The following PHLDB3 variants were observed in gnomAD, a reference collection of about 807,000 sequenced individuals.
PHLDB3 encodes the protein pleckstrin homology-like domain family B member 3.
PHLDB3 carries 86 observed loss-of-function variants against 85.7 expected under a neutral mutation model. That is an observed-to-expected ratio of 1.00 (90% CI 0.84 to 1.20). The LOEUF is 1.20. PHLDB3 is among the 50% of genes most tolerant of loss of function. PHLDB3 has a pLI of 0.00. For synonymous variants in PHLDB3, 376 were observed against 349.8 expected (o/e 1.07, Z -0.83); for missense variants, 995 against 873.0 (o/e 1.14, Z -1.76).
chr19:43,493,363 C>T (rs532664605), intron 9 of PHLDB3, among the ~76,000 whole-genome samples: 2 of 151,598 alleles, frequency 1.3e-5, no homozygotes, highest in Non-Finnish European at 2.9e-5. Context: ...GACCCATGCG[C>T]GGTGGCTCAT....
chr19:43,496,735 T>C (rs552396073), intron 6 of PHLDB3: 293 of 242,080 alleles, frequency 1.2e-3, no homozygotes, highest in Non-Finnish European at 1.9e-3. Context: ...AACGTGTCAC[T>C]GCACTCCAGC....
At position 43,495,492 on chromosome 19, in the gene PHLDB3, C is replaced by T. The variant is rs112348817; in HGVS notation, c.951+3G>A. The T allele has an allele frequency of 3.2e-5, 52 of 1,605,608 alleles. 1 individual carries two copies. In the African/African-American group the frequency reaches 3.5e-4, roughly 11 times the overall value. On this transcript the variant is annotated splice_donor_region_variant and intron_variant, in intron 7 of 15. Coordinates refer to ENST00000292140, the MANE Select transcript of PHLDB3 (RefSeq NM_198850.4). ...AGGGTAGGGCAGGTGACAGGTAGCT[C>T]ACCTGTGACAGGGCCTGAAGGGCCT...
rs1053628203 is a variant in PHLDB3, at chr19:43,503,801, G to A, written c.213+105C>T. 6.1e-6 allele frequency: 8 copies of A among 1,321,642 alleles called. No homozygotes were observed. In the African/African-American group the frequency reaches 8.7e-5, roughly 14 times the overall value. 81.9% of individuals were successfully genotyped at this position (1,321,642 alleles called of 1,614,324 possible). ...TCACTCGGTCTCTCTCCCTGTCTCC[G>A]GGTCTCTGTCTTTCTGGTTTCCCTC... On this transcript the variant is annotated intron_variant, in intron 2 of 15. Transcript: ENST00000292140.
intron 6 of PHLDB3, chr19:43,496,751 T>C: frequency 3.8e-6 from 1 of 264,306 alleles, no homozygotes; most frequent in South Asian, 1.7e-4. Flanking sequence ...CCAGCCTGGG[T>C]GACAGAGTGA....
intron 6 of PHLDB3, chr19:43,496,279 T>C (rs1012737953): frequency 6.6e-6 from 1 of 152,190 alleles, no homozygotes; most frequent in African/African-American, 2.4e-5. Flanking sequence ...CCTCCCAAAG[T>C]GCTGGGATTA....
At chr19:43,502,963 G>A (rs1971651107) in intron 2 of PHLDB3, among the ~76,000 whole-genome samples, 1 of 149,874 alleles carries the variant, frequency 6.7e-6, no homozygotes, top group South Asian at 2.1e-4. Flanking sequence ...CTCTCCACCT[G>A]ACCCCAGTCT....
intron 9 of PHLDB3, among the ~76,000 whole-genome samples, chr19:43,487,591 A>AAAAAAAAAAAAAACAAAAAAAAAAAC (rs1167897767): frequency 8.6e-6 from 1 of 115,770 alleles, no homozygotes; most frequent in Non-Finnish European, 1.9e-5. Flanking sequence ...AAAAAAAAAA[A>AAAAAAAAAAAAAACAAAAAAAAAAAC]ACACAGAAAA....
In PHLDB3 at chr19:43,479,549, A is replaced by T; in HGVS notation, c.1530T>A (p.Asp510Glu). The T allele has an allele frequency of 6.8e-7, 1 of 1,480,882 alleles. No homozygotes were observed. Among genetic ancestry groups the T allele is most frequent in the Non-Finnish European group, 9.0e-7 (1 of 1,105,620 alleles). 91.7% of individuals were successfully genotyped at this position (1,480,882 alleles called of 1,614,324 possible). A position where few individuals can be genotyped will look rare whatever the true frequency, so the allele number is the denominator to read the frequency against. ...CCCATCCCTCCAGATGCTGCCGGAG[A>T]TCCAAGATTCGCGGGCCTGGAGGGT... ...PPHPPGPRIL[D>E]LRQHLEGWGH... Residue 510 changes from aspartate (D) to glutamate (E), a missense_variant, in exon 14 of 16, where the codon GAT becomes GAA. Transcript: ENST00000292140.
At chr19:43,503,884 C>T in intron 2 of PHLDB3, 22 bp downstream of exon 2, 1 of 1,613,258 alleles carries the variant, frequency 6.2e-7, no homozygotes, top group Non-Finnish European at 8.5e-7. Flanking sequence ...GCCCCCCGCG[C>T]TGTCGCCCTC....
At position 43,501,832 on chromosome 19, in the gene PHLDB3, C is replaced by T. The variant is rs576412476; in HGVS notation, c.436G>A (p.Gly146Arg). Reference protein sequence around the residue: ...EVALLRGELAGERVAARREEE... With the variant: ...EVALLRGELARERVAARREEE... ...TCCCGGCGAGCGGCCACTCGCTCCC[C>T]AGCCAGCTCACCCCGCAGCAAGGCC... The change falls in exon 4 of 16, where the codon GGG (glycine) becomes AGG (arginine). Residue 146 changes from glycine to arginine, a missense_variant. By Grantham distance (125) the Gly-to-Arg change is moderately radical. Coordinates refer to ENST00000292140, the MANE Select transcript of PHLDB3 (RefSeq NM_198850.4). 16 of 1,591,516 alleles carry T rather than the reference C, an allele frequency of 1.0e-5. No individual in the cohort carries two copies. The East Asian group carries it at 3.7e-4, about 37-fold the overall frequency.
Position 43,495,490 on chromosome 19 carries a change from C to T in PHLDB3, c.951+5G>A. 6.2e-7 allele frequency: 1 copy of T among 1,605,742 alleles called. No homozygotes were observed. On this transcript the variant is annotated splice_donor_5th_base_variant and intron_variant, in intron 7 of 15. Coordinates refer to ENST00000292140, the MANE Select transcript of PHLDB3 (RefSeq NM_198850.4). ...GTAGGGTAGGGCAGGTGACAGGTAG[C>T]TCACCTGTGACAGGGCCTGAAGGGC... is the stretch of plus-strand genomic sequence containing the variant.
chr19:43,503,828 A>T, intron 2 of PHLDB3, 78 bp downstream of exon 2: 1 of 1,541,870 alleles, frequency 6.5e-7, no homozygotes, highest in South Asian at 1.1e-5. Flanking sequence ...GTTTCCCTCT[A>T]CCTGTCTACC....
At chr19:43,482,599 T>C (rs979915085) in intron 13 of PHLDB3, among the ~76,000 whole-genome samples, 4 of 152,190 alleles carry the variant, frequency 2.6e-5, no homozygotes, top group African/African-American at 9.7e-5. Context: ...AGAGCAGTGG[T>C]GTGATCTTGG....
intron 9 of PHLDB3, among the ~76,000 whole-genome samples, chr19:43,487,838 C>A (rs1971217505): frequency 6.6e-6 from 1 of 151,942 alleles, no homozygotes; most frequent in Admixed American, 6.6e-5. Flanking sequence ...GTGAATTATG[C>A]CTCAATAAAA....
At chr19:43,499,692 G>A (rs981991412) in intron 4 of PHLDB3, among the ~76,000 whole-genome samples, 2 of 152,032 alleles carry the variant, frequency 1.3e-5, no homozygotes, top group Non-Finnish European at 2.9e-5. Context: ...AATGGTAACT[G>A]ACCCAAGCAA....
At chr19:43,491,945 G>GTTT (rs35827061) in intron 9 of PHLDB3, among the ~76,000 whole-genome samples, 6 of 129,560 alleles carry the variant, frequency 4.6e-5, no homozygotes, top group Non-Finnish European at 4.7e-5. Flanking sequence ...GCACCTGGCC[G>GTTT]TTTTTTTTTT....
chr19:43,504,186 C>G (rs1971695595), intron 1 of PHLDB3, 54 bp from the exon 2 acceptor site: 1 of 1,463,586 alleles, frequency 6.8e-7, no homozygotes, highest in Non-Finnish European at 9.1e-7. Context: ...GACGGCTGAG[C>G]GCCGCTCGCG....
intron 13 of PHLDB3, among the ~76,000 whole-genome samples, chr19:43,482,393 G>C (rs1971065822): frequency 6.6e-6 from 1 of 152,186 alleles, no homozygotes; most frequent in Non-Finnish European, 1.5e-5. Context: ...TCTTCTAGGT[G>C]TGAAGCCCAG....
At chr19:43,500,750 C>G (rs558651222) in intron 4 of PHLDB3, among the ~76,000 whole-genome samples, 1 of 152,178 alleles carries the variant, frequency 6.6e-6, no homozygotes, top group Non-Finnish European at 1.5e-5. Flanking sequence ...GATCCTCCCA[C>G]CTCACTCTTC....
Sources: allele counts gnomAD v4.1 joint callset (sites outside exome capture counted in the v4.1 genomes callset), GRCh38; gene constraint gnomAD v4.1.1; transcripts MANE v1.5; gene names NCBI Gene and HGNC (gene_info 2026-07-23, HGNC 2026-07-21).